Variants in CORO7 observed in about 807,000 individuals in gnomAD.
CORO7 encodes coronin-7.
A neutral mutation model predicts 126.6 loss-of-function variants in CORO7; 107 were observed. The ratio of observed to expected loss-of-function variants is 0.85; its 90% CI spans 0.72 to 0.99. The LOEUF is 0.99. Ranked by LOEUF, CORO7 falls within the 50% of genes least tolerant of loss-of-function variation. CORO7 has a pLI of 0.00. For missense variants in CORO7, 1,314 were observed against 1,255.8 expected (o/e 1.05, Z -0.70); for synonymous variants, 603 against 536.8 (o/e 1.12, Z -1.70).
intron 6 of CORO7, among the ~76,000 whole-genome samples, chr16:4,399,806 G>A (rs1213200608): frequency 6.6e-6 from 1 of 151,936 alleles, no homozygotes. Context: ...TGGGAGGACT[G>A]CTTGAGCCTT....
At position 4,357,783 on chromosome 16, in the gene CORO7, T is replaced by C. The variant is rs890737386; in HGVS notation, c.2593+185A>G. The C allele has an allele frequency of 4.7e-6, 5 of 1,058,748 alleles. No individual in the cohort carries two copies. In the Admixed American group the frequency reaches 1.2e-4, roughly 25 times the overall value. The allele number at this position is 1,058,748 out of a possible 1,614,324, so 65.6% of individuals were successfully genotyped here. On this transcript the variant is annotated intron_variant, in intron 25 of 27. Transcript: ENST00000251166. The stretch of plus-strand genomic sequence containing the variant: ...TGTGTGTGTTAGGGGTGGGGACCTG[T>C]GATGAAAACACAGACCACGAGCCCT...
At chr16:4,368,405 C>T (rs192383948) in intron 9 of CORO7, among the ~76,000 whole-genome samples, 3 of 151,762 alleles carry the variant, frequency 2.0e-5, no homozygotes, top group Admixed American at 6.6e-5. Flanking sequence ...TCCAGCTACT[C>T]GGCTGGCTGA....
chr16:4,364,874 C>A lies in CORO7; in HGVS notation c.945G>T (p.Val315=). ...LESVLRGAAL[V]PRQALAVMSC... is the part of the protein sequence containing the mutation. ...TCATGACGGCCAGCGCCTGCCGGGG[C>A]ACAAGGGCAGCCCCACGCAGCACGC... Residue 315 remains valine, a synonymous_variant, in exon 12 of 28, where the codon GTG becomes GTT. Transcript: ENST00000251166. 6.2e-7 allele frequency: 1 copy of A among 1,611,890 alleles called. No individual in the cohort carries two copies. The highest frequency in any genetic ancestry group is 8.5e-7 in the Non-Finnish European group (1 of 1,179,688).
chr16:4,376,390 G>T (rs904631187), intron 9 of CORO7, among the ~76,000 whole-genome samples: 9 of 152,324 alleles, frequency 5.9e-5, no homozygotes, highest in African/African-American at 1.2e-4. Flanking sequence ...TGGCGGGCCA[G>T]CATGAGGAGC....
chr16:4,364,394 T>C lies in CORO7; in HGVS notation c.1157A>G (p.Asn386Ser), dbSNP rs1025674302. 1 of 1,503,050 alleles carries C rather than the reference T, an allele frequency of 6.7e-7. No homozygotes were observed. Among genetic ancestry groups the C allele is most frequent in the Non-Finnish European group, 8.9e-7 (1 of 1,128,362 alleles). 93.1% of individuals were successfully genotyped at this position (1,503,050 alleles called of 1,614,324 possible). The part of the protein sequence containing the change: ...DNQQVQKVSL[N>S]PACRPHPSFT... ...GCTCGGGTGGGGCCGGCAGGCGGGG[T>C]TGAGGCTGACCTTCTGCACCTGCAT... Residue 386 changes from asparagine (N) to serine (S), a missense_variant, in exon 14 of 28, where the codon AAC (asparagine) becomes AGC (serine). Asn to Ser is a conservative substitution (Grantham distance 46, BLOSUM62 1). Transcript: ENST00000251166.
chr16:4,388,213 C>G, intron 8 of CORO7, 145 bp from the exon 9 acceptor site: 2 of 1,033,790 alleles, frequency 1.9e-6, no homozygotes, highest in African/African-American at 1.6e-5. Flanking sequence ...TGGGAGTCAC[C>G]CCAGGGAAAG....
intron 26 of CORO7, 148 bp from the exon 27 acceptor site, chr16:4,355,520 G>C (rs1368270562): frequency 1.2e-6 from 1 of 813,418 alleles, no homozygotes; most frequent in African/African-American, 1.7e-5. Context: ...GCTGGATGGA[G>C]TGCAGTGGCG....
chr16:4,358,304 C>A, intron 24 of CORO7, 63 bp downstream of exon 24: 1 of 1,577,856 alleles, frequency 6.3e-7, no homozygotes, highest in Middle Eastern at 1.7e-4. Context: ...CAGACGGGAC[C>A]CAAACTCCCC....
At chr16:4,408,301 A>C (rs752803520) in intron 3 of CORO7, 50 bp from the exon 4 acceptor site, 21 of 1,613,334 alleles carry the variant, frequency 1.3e-5, no homozygotes, top group Admixed American at 8.3e-5. Flanking sequence ...TTTCCAACCC[A>C]GTATGAAGCA....
At chr16:4,401,850 A>G (rs2141301439) in intron 6 of CORO7, among the ~76,000 whole-genome samples, 1 of 150,626 alleles carries the variant, frequency 6.6e-6, no homozygotes, top group Middle Eastern at 3.5e-3. Context: ...AGATGCCAAC[A>G]CCACCACTGA....
intron 9 of CORO7, among the ~76,000 whole-genome samples, chr16:4,376,913 A>G (rs1427368684): frequency 1.3e-5 from 2 of 152,124 alleles, no homozygotes; most frequent in Non-Finnish European, 2.9e-5. Flanking sequence ...AGTAGTACCC[A>G]CGCCCAGGGG....
At chr16:4,366,132 CT>C (rs2054338849) in intron 9 of CORO7, among the ~76,000 whole-genome samples, 1 of 152,198 alleles carries the variant, frequency 6.6e-6, no homozygotes, top group South Asian at 2.1e-4. Flanking sequence ...GTGTCCAAAT[CT>C]GAGCCACGTG....
In CORO7 at chr16:4,362,276, C is replaced by T; in HGVS notation, c.1403-116G>A. 2 of 1,403,856 alleles carry T rather than the reference C, an allele frequency of 1.4e-6. No individual in the cohort carries two copies. Among genetic ancestry groups the T allele is most frequent in the Non-Finnish European group, 1.9e-6 (2 of 1,052,808 alleles). 87.0% of individuals were successfully genotyped at this position (1,403,856 alleles called of 1,614,324 possible). On this transcript the variant is annotated intron_variant, in intron 15 of 27. Transcript: ENST00000251166. The surrounding 1 kb of genome is among the most constrained non-coding windows in gnomAD (Gnocchi z 5.3). ...CCCCAGGTGGATGTACAGCATGGACCTAGGCCCAGGCCTTTGCTAATCCAG... is the reference window on the plus strand; with the variant it reads ...CCCCAGGTGGATGTACAGCATGGACTTAGGCCCAGGCCTTTGCTAATCCAG...
At chr16:4,415,984 C>T (rs2056395861) in intron 1 of CORO7, 2 of 658,492 alleles carry the variant, frequency 3.0e-6, no homozygotes, top group South Asian at 6.7e-5. Flanking sequence ...CCCTCCCCAC[C>T]ACTGACACAC....
At chr16:4,389,641 G>A (rs531513291) in intron 7 of CORO7, among the ~76,000 whole-genome samples, 1 of 152,174 alleles carries the variant, frequency 6.6e-6, no homozygotes, top group Admixed American at 6.5e-5. Context: ...GGCTGTGGCC[G>A]GCACAGGAAG....
chr16:4,406,592 G>A (rs964438041), intron 5 of CORO7, among the ~76,000 whole-genome samples: 14 of 152,034 alleles, frequency 9.2e-5, no homozygotes, highest in African/African-American at 3.4e-4. Flanking sequence ...GCGCCACGAC[G>A]CCCATCCAAG....
intron 7 of CORO7, among the ~76,000 whole-genome samples, chr16:4,390,817 T>C (rs1164267538): frequency 6.6e-6 from 1 of 151,874 alleles, no homozygotes; most frequent in East Asian, 1.9e-4. Context: ...AGGCTCAGAG[T>C]GGTGATGAGG....
chr16:4,394,519 C>A (rs553504433), intron 7 of CORO7, among the ~76,000 whole-genome samples: 3 of 152,278 alleles, frequency 2.0e-5, no homozygotes, highest in African/African-American at 7.2e-5. Flanking sequence ...TATCCCCCAG[C>A]GCCCCTCGCG....
chr16:4,403,668 G>A (rs1766261430), intron 6 of CORO7, among the ~76,000 whole-genome samples: 1 of 152,078 alleles, frequency 6.6e-6, no homozygotes, highest in African/African-American at 2.4e-5. Flanking sequence ...TGGCCAAGCC[G>A]GTGGCCCATG....
Sources: gnomAD v4.1 joint callset for allele counts (sites outside exome capture counted in the v4.1 genomes callset) on GRCh38, gnomAD v4.1.1 for gene constraint, Gnocchi (gnomAD v3.1) non-coding constraint, MANE v1.5 for transcripts, NCBI Gene and HGNC (gene_info 2026-07-23, HGNC 2026-07-21) for gene names.